SIDT1: variants seen among roughly 807,000 people sequenced by gnomAD.
The protein encoded by SIDT1 is SID1 transmembrane family, member 1.
SIDT1 carries 101 observed loss-of-function variants against 107.5 expected under a neutral mutation model. That is an observed-to-expected ratio of 0.94 (90% confidence interval 0.80 to 1.11). The LOEUF (loss-of-function observed/expected upper bound fraction) is 1.11. SIDT1 is among the 50% of genes least tolerant of loss of function. The pLI is 0.00. For missense variants in SIDT1, 1,076 were observed against 1,058.2 expected, an observed-to-expected ratio of 1.02 and a Z score of -0.23; for synonymous variants, 395 against 398.2, an observed-to-expected ratio of 0.99 and a Z score of 0.10.
chr3:113,564,787 A>G (rs1407535606), intron 1 of SIDT1, among the ~76,000 whole-genome samples: 2 of 152,206 alleles, frequency 1.3e-5, no homozygotes, highest in Non-Finnish European at 2.9e-5. Context: ...AGAGCTCGAG[A>G]AAGAGATCTC....
intron 18 of SIDT1, among the ~76,000 whole-genome samples, chr3:113,611,435 G>A (rs1003846724): frequency 2.0e-5 from 3 of 152,112 alleles, no homozygotes; most frequent in Admixed American, 6.5e-5. Context: ...GGGTTCAAGC[G>A]ATTCTCCTGC....
chr3:113,540,301 TC>T (rs1035708260), intron 1 of SIDT1, among the ~76,000 whole-genome samples: 1 of 152,048 alleles, frequency 6.6e-6, no homozygotes, highest in African/African-American at 2.4e-5. Flanking sequence ...TCTCATTAGG[TC>T]CCCACCTTCA....
rs1012987765 is a variant in SIDT1 at position 113,580,632 on chromosome 3, G to A, written c.586G>A (p.Asp196Asn). 6.2e-7 allele frequency: 1 copy of A among 1,609,894 alleles called. No homozygotes were observed. The highest frequency in any genetic ancestry group is 1.3e-5 in the African/African-American group (1 of 74,958). ...GTATTTTCTATACAAGTTTCCCAAA[G>A]ACGTGGACTCAGTTATCATTAAAGT... ...PQYFLYKFPK[D>N]VDSVIIKVVS... Residue 196 changes from aspartate to asparagine, a missense_variant, in exon 5 of 25, where the codon GAC (aspartate) becomes AAC (asparagine). Physicochemically the swap from Asp to Asn is conservative, Grantham distance 23 (BLOSUM62 1). Transcript: ENST00000264852.
chr3:113,533,286 G>A (rs1937681399), intron 1 of SIDT1, 43 bp downstream of exon 1: 33 of 1,352,798 alleles, frequency 2.4e-5, no homozygotes, highest in Non-Finnish European at 3.2e-5. Context: ...GAACTTGCCA[G>A]ATCTCAGAGC....
At chr3:113,636,187 T>C in the SIDT1 span, among the ~76,000 whole-genome samples, 1 of 151,904 alleles carries the variant, frequency 6.6e-6, no homozygotes, top group Non-Finnish European at 1.5e-5. Context: ...GCCAGATCAC[T>C]TGAGGTCAGG....
intron 21 of SIDT1, among the ~76,000 whole-genome samples, chr3:113,621,853 T>A (rs10804510): frequency 0.33 from 49,548 of 152,022 alleles, 8,200 homozygotes; most frequent in Non-Finnish European, 0.35. Flanking sequence ...AGTGATGTAA[T>A]TGTTTCACAC....
downstream of SIDT1, among the ~76,000 whole-genome samples, chr3:113,630,588 C>A (rs1947083912): frequency 6.6e-6 from 1 of 152,144 alleles, no homozygotes; most frequent in Non-Finnish European, 1.5e-5. Context: ...GGGTGATAGT[C>A]TCTATCCAAA....
chr3:113,600,325 T>G (rs1944871714), intron 10 of SIDT1, among the ~76,000 whole-genome samples: 1 of 151,840 alleles, frequency 6.6e-6, no homozygotes, highest in African/African-American at 2.4e-5. Flanking sequence ...ATAATAATAA[T>G]TTTTCATAAA....
intron 14 of SIDT1, 119 bp downstream of exon 14, chr3:113,605,095 G>A: frequency 1.2e-6 from 1 of 841,054 alleles, no homozygotes. Flanking sequence ...TCCCATTGGG[G>A]TTCCAATTGG....
Position 113,581,367 on chromosome 3 carries a change from G to T in SIDT1, c.670G>T (p.Val224Leu). The change falls in exon 6 of 25, where the codon GTG (valine) becomes TTG (leucine). Residue 224 changes from valine to leucine, a missense_variant. Transcript: ENST00000264852. ...TTCCTCATGCATGCTGCAGTGCCCG[G>T]TGTATGATCTCGACCACAATGTGGA... ...VVSVQNIMCP[V>L]YDLDHNVEFN... 6.2e-7 allele frequency: 1 copy of T among 1,613,712 alleles called. No individual in the cohort carries two copies.
intron 1 of SIDT1, among the ~76,000 whole-genome samples, chr3:113,535,050 T>A (rs1229574367): frequency 6.6e-6 from 1 of 152,190 alleles, no homozygotes; most frequent in Admixed American, 6.5e-5. Context: ...AGTGGGAGGA[T>A]TGCTTGAGAC....
intron 3 of SIDT1, among the ~76,000 whole-genome samples, chr3:113,571,486 G>GCGCACACA (rs1553789357): frequency 6.0e-5 from 9 of 148,852 alleles, no homozygotes; most frequent in African/African-American, 2.2e-4. Flanking sequence ...CCTATCCTCT[G>GCGCACACA]CACACACACA....
chr3:113,576,066 A>G (rs990523200), intron 3 of SIDT1, among the ~76,000 whole-genome samples: 20 of 152,206 alleles, frequency 1.3e-4, no homozygotes. Context: ...AAAACTATAG[A>G]GAAGACCACA....
intron 3 of SIDT1, among the ~76,000 whole-genome samples, chr3:113,573,141 T>A (rs1170332095): frequency 6.6e-6 from 1 of 152,178 alleles, no homozygotes; most frequent in Non-Finnish European, 1.5e-5. Context: ...TAGTCCAACA[T>A]GACTCCTACA....
chr3:113,549,728 G>A (rs1391493400), intron 1 of SIDT1, among the ~76,000 whole-genome samples: 1 of 152,082 alleles, frequency 6.6e-6, no homozygotes, highest in East Asian at 1.9e-4. Flanking sequence ...ATCTTACACA[G>A]ATCAGATATT....
chr3:113,567,240 T>A (rs61001715), intron 2 of SIDT1, among the ~76,000 whole-genome samples: 4 of 152,186 alleles, frequency 2.6e-5, no homozygotes, highest in African/African-American at 9.7e-5. Context: ...AGTTTCCCCA[T>A]CAAATTGGAT....
chr3:113,616,323 G>A (rs1323060717), intron 20 of SIDT1, 147 bp downstream of exon 20: 3 of 642,578 alleles, frequency 4.7e-6, no homozygotes, highest in South Asian at 1.8e-5. Context: ...GTGGGAGAAG[G>A]AGCATGGTGC....
intron 5 of SIDT1, 26 bp from the exon 6 acceptor site, chr3:113,581,335 C>T (rs1409211740): frequency 1.3e-6 from 2 of 1,586,092 alleles, no homozygotes; most frequent in Non-Finnish European, 1.7e-6. Context: ...GGATGCTTTC[C>T]ATTTTATTCC....
At chr3:113,627,221 A>G (rs1946918325) in intron 24 of SIDT1, among the ~76,000 whole-genome samples, 3 of 152,134 alleles carry the variant, frequency 2.0e-5, no homozygotes, top group African/African-American at 7.2e-5. Context: ...AGGCCACCCT[A>G]TCAAAATTTT....
Sources: gnomAD v4.1 joint callset for allele counts (sites outside exome capture counted in the v4.1 genomes callset) on GRCh38, gnomAD v4.1.1 for gene constraint, MANE v1.5 for transcripts, NCBI Gene and HGNC (gene_info 2026-07-23, HGNC 2026-07-21) for gene names.